FAM221B: variants seen among roughly 807,000 people sequenced by gnomAD.
The protein encoded by FAM221B is family with sequence similarity 221 member B.
A neutral mutation model predicts 39.8 loss-of-function variants in FAM221B; 35 were observed. The ratio of observed to expected loss-of-function variants is 0.88; its 90% CI spans 0.67 to 1.17. FAM221B has a LOEUF of 1.17. Ranked by LOEUF, FAM221B falls within the 50% of genes most tolerant of loss-of-function variation. The pLI, the probability that FAM221B is intolerant of heterozygous loss-of-function variation, is 0.00. For missense variants in FAM221B, 479 were observed against 503.1 expected (o/e 0.95, Z 0.46); for synonymous variants, 158 against 178.1 (o/e 0.89, Z 0.90).
chr9:35,817,779 C>A lies in FAM221B; in HGVS notation c.*690G>T, dbSNP rs532906816. 9.2e-5 allele frequency: 14 copies of A among 152,324 alleles called. No homozygotes were observed. The highest frequency in any genetic ancestry group is 7.9e-4 in the Admixed American group (12 of 15,278). The allele number at this position is 152,324 out of a possible 1,614,324, so 9.4% of individuals were successfully genotyped here. A position where few individuals can be genotyped will look rare whatever the true frequency, so the allele number is the denominator to read the frequency against. On this transcript the variant is annotated 3_prime_UTR_variant, in exon 7 of 7. Coordinates refer to ENST00000423537, the MANE Select transcript of FAM221B (RefSeq NM_001012446.4). ...GGGGAACTTCCACAGGTTCTTGTTCCCTGAAACTCTAGGAAGGCTCCATCC... is the reference window on the plus strand; with the variant it reads ...GGGGAACTTCCACAGGTTCTTGTTCACTGAAACTCTAGGAAGGCTCCATCC...
intron 3 of FAM221B, among the ~76,000 whole-genome samples, chr9:35,823,662 G>A (rs1324263095): frequency 6.6e-6 from 1 of 152,002 alleles, no homozygotes; most frequent in Non-Finnish European, 1.5e-5. Context: ...GGAATAAGAG[G>A]ACTGAACACA....
At chr9:35,819,497 C>CT (rs879514713) in intron 4 of FAM221B, 103 bp from the exon 5 acceptor site, 34,033 of 832,098 alleles carry the variant, frequency 0.041, 2 homozygotes, top group Non-Finnish European at 0.045. Context: ...CGCAGACATG[C>CT]TTTTTTTTTT....
intron 3 of FAM221B, among the ~76,000 whole-genome samples, chr9:35,822,805 C>G (rs1829180047): frequency 6.6e-6 from 1 of 152,198 alleles, no homozygotes; most frequent in African/African-American, 2.4e-5. Context: ...ACTTGCCTTT[C>G]CATACCTCCT....
At position 35,819,262 on chromosome 9, in the gene FAM221B, T is replaced by C; in HGVS notation, c.986A>G (p.Gln329Arg). The change falls in exon 5 of 7, where the codon CAA becomes CGA. Residue 329 changes from glutamine (Q) to arginine (R), a missense_variant. Physicochemically the swap from Gln to Arg is conservative, Grantham distance 43. Coordinates refer to ENST00000423537, the MANE Select transcript of FAM221B (RefSeq NM_001012446.4). Reference sequence around the variant, plus strand: ...TTCGTGGCTGTGTTTGCAGCGACATTGGGCCCTCCAGGCCTTGGGGTCAAA... The same window carrying C: ...TTCGTGGCTGTGTTTGCAGCGACATCGGGCCCTCCAGGCCTTGGGGTCAAA... ...ATFDPKAWRA[Q>R]CRCKHSHEEH... 1 of 1,551,734 alleles carries C rather than the reference T, an allele frequency of 6.4e-7. No homozygotes were observed. The highest frequency in any genetic ancestry group is 8.7e-7 in the Non-Finnish European group (1 of 1,146,998).
intron 6 of FAM221B, 148 bp downstream of exon 6, chr9:35,818,742 T>G: frequency 8.9e-7 from 1 of 1,126,294 alleles, no homozygotes; most frequent in Middle Eastern, 2.9e-4. Context: ...CCAGTGCAGA[T>G]GTGGGATGCA....
chr9:35,820,086 G>A, intron 3 of FAM221B, 86 bp from the exon 4 acceptor site: 1 of 928,750 alleles, frequency 1.1e-6, no homozygotes, highest in Non-Finnish European at 1.7e-6. Flanking sequence ...GGAGGTGAGG[G>A]GGTGGGGGGA....
chr9:35,824,062 T>C (rs922641377), intron 3 of FAM221B, among the ~76,000 whole-genome samples: 1 of 152,080 alleles, frequency 6.6e-6, no homozygotes, highest in African/African-American at 2.4e-5. Flanking sequence ...GGAGGGTCCC[T>C]GCATGGGAAA....
rs371038944 is a variant in FAM221B at position 35,818,846 on chromosome 9, C to T, written c.1171+44G>A. ...AGTGCCTTCCTGCCTGGCCTTCTGA[C>T]TACAGACCCTGGAATGGCCCCCTGT... On this transcript the variant is annotated intron_variant, in intron 6 of 6. Coordinates refer to ENST00000423537, the MANE Select transcript of FAM221B (RefSeq NM_001012446.4). 7.4e-5 allele frequency: 114 copies of T among 1,549,568 alleles called. No homozygotes were observed. In the African/African-American group the frequency reaches 1.5e-3, roughly 20 times the overall value.
At chr9:35,820,614 A>G (rs1240719969) in intron 3 of FAM221B, among the ~76,000 whole-genome samples, 1 of 152,196 alleles carries the variant, frequency 6.6e-6, no homozygotes, top group Non-Finnish European at 1.5e-5. Context: ...TATTGTACCA[A>G]TGCTCTCTGT....
chr9:35,825,250 G>A lies in FAM221B; in HGVS notation c.722C>T (p.Ala241Val), dbSNP rs760443396. The change falls in exon 3 of 7, where the codon GCC becomes GTC. Residue 241 changes from alanine to valine, a missense_variant. Transcript: ENST00000423537. This position sits in a 1 kb window ranked among gnomAD's most constrained non-coding sequence, Gnocchi z 4.2. ...NNLFQWEKDAALNAIQTGLYI... is the reference protein window; with the variant it reads ...NNLFQWEKDAVLNAIQTGLYI... Reference sequence around the variant, plus strand: ...CTCACCTGTCTGGATGGCATTCAGGGCTGCATCCTTCTCCCACTGGAAAAG... The same window carrying A: ...CTCACCTGTCTGGATGGCATTCAGGACTGCATCCTTCTCCCACTGGAAAAG... The A allele has an allele frequency of 5.6e-6, 9 of 1,614,100 alleles. No individual in the cohort carries two copies. Among genetic ancestry groups the A allele is most frequent in the East Asian group, 4.5e-5 (2 of 44,894 alleles).
At chr9:35,821,504 G>C (rs375597242) in intron 3 of FAM221B, 2 of 1,367,926 alleles carry the variant, frequency 1.5e-6, no homozygotes, top group Non-Finnish European at 2.0e-6. Flanking sequence ...CTGTCTTGAT[G>C]CTGATTGCCT....
In FAM221B at chr9:35,828,664, A is replaced by C; in HGVS notation, c.-202T>G. On this transcript the variant is annotated 5_prime_UTR_variant, in exon 1 of 7. Coordinates refer to ENST00000423537, the MANE Select transcript of FAM221B (RefSeq NM_001012446.4). This position sits in a 1 kb window ranked among gnomAD's most constrained non-coding sequence, Gnocchi z 4.5. ...GGATATCTGCAGAACTTCGCAAAGG[A>C]GCTCTGGCATGACCTGGGGAAGTGG... is the stretch of plus-strand genomic sequence containing the variant. The C allele has an allele frequency of 1.0e-6, 1 of 985,494 alleles. No homozygotes were observed. Among genetic ancestry groups the C allele is most frequent in the South Asian group, 4.7e-5 (1 of 21,292 alleles). The allele number at this position is 985,494 out of a possible 1,614,324, so 61.0% of individuals were successfully genotyped here.
chr9:35,820,076 G>T, intron 3 of FAM221B, 76 bp from the exon 4 acceptor site: 1 of 1,023,178 alleles, frequency 9.8e-7, no homozygotes, highest in Non-Finnish European at 1.5e-6. Context: ...ATCCCTTGAT[G>T]GAGGTGAGGG....
In FAM221B at chr9:35,825,709, G is replaced by T; in HGVS notation, c.453C>A (p.Ser151Arg). 2 of 1,614,220 alleles carry T rather than the reference G, an allele frequency of 1.2e-6. No individual in the cohort carries two copies. The highest frequency in any genetic ancestry group is 4.5e-5 in the East Asian group (2 of 44,890). The change falls in exon 2 of 7, where the codon AGC becomes AGA. Residue 151 changes from serine (S) to arginine (R), a missense_variant. By Grantham distance (110) the Ser-to-Arg change is moderately radical. Transcript: ENST00000423537. This position sits in a 1 kb window ranked among gnomAD's most constrained non-coding sequence, Gnocchi z 4.2. ...GGCCTGAAAGACAGTGTTCTGGAAG[G>T]CTCTCAGATTCAGAGAGATGGGTAG... ...RRSTHLSESE[S>R]LPEHCLSGPS... is the part of the protein sequence containing the mutation.
rs183266417 is a variant in FAM221B, at chr9:35,819,758, G to A, written c.853+132C>T. 1.5e-4 allele frequency: 97 copies of A among 651,918 alleles called. No homozygotes were observed. In the East Asian group the frequency reaches 2.6e-3, roughly 17 times the overall value. The allele number at this position is 651,918 out of a possible 1,614,324, so 40.4% of individuals were successfully genotyped here. A position where few individuals can be genotyped will look rare whatever the true frequency, so the allele number is the denominator to read the frequency against. On this transcript the variant is annotated intron_variant, in intron 4 of 6. Coordinates refer to ENST00000423537, the MANE Select transcript of FAM221B (RefSeq NM_001012446.4). ...CCTGACCTTTGATCCACCCGCCTCC[G>A]CCTCCCAAAGTGCTGGGATTACAGG...
chr9:35,822,583 A>G (rs550867825), intron 3 of FAM221B, among the ~76,000 whole-genome samples: 11 of 151,822 alleles, frequency 7.2e-5, no homozygotes, highest in Non-Finnish European at 1.2e-4. Flanking sequence ...AATTTTTTGT[A>G]TTTTTAATAG....
Position 35,826,116 on chromosome 9 carries a change from C to T in FAM221B, c.46G>A (p.Ala16Thr). 1 of 1,609,366 alleles carries T rather than the reference C, an allele frequency of 6.2e-7. No individual in the cohort carries two copies. Among genetic ancestry groups the T allele is most frequent in the Non-Finnish European group, 8.5e-7 (1 of 1,177,882 alleles). The change falls in exon 2 of 7, where the codon GCA (alanine) becomes ACA (threonine). Residue 16 changes from alanine (A) to threonine (T), a missense_variant. Transcript: ENST00000423537. ...IIEEPHITMD[A>T]EKHPPSKDPS... ...TCCTTTGAAGGGGGGTGCTTCTCTG[C>T]ATCCATGGTGATATGAGGCTCTTCT...
intron 3 of FAM221B, among the ~76,000 whole-genome samples, chr9:35,824,099 G>T (rs1213807810): frequency 6.6e-6 from 1 of 152,176 alleles, no homozygotes; most frequent in Non-Finnish European, 1.5e-5. Context: ...ATGGAGGAGG[G>T]ATAAGCATTT....
chr9:35,821,722 G>T (rs572115142), intron 3 of FAM221B: 4 of 783,272 alleles, frequency 5.1e-6, no homozygotes, highest in East Asian at 5.4e-5. Context: ...CCAAGCACTA[G>T]TGTAGGAATC....
Sources: allele counts gnomAD v4.1 joint callset (sites outside exome capture counted in the v4.1 genomes callset), GRCh38; gene constraint gnomAD v4.1.1; non-coding constraint Gnocchi (gnomAD v3.1); transcripts MANE v1.5; gene names NCBI Gene and HGNC (gene_info 2026-07-23, HGNC 2026-07-21).